The following NALF1 variants were observed in gnomAD, a reference collection of about 807,000 sequenced individuals.
The protein encoded by NALF1 is NALCN channel auxiliary factor 1.
A neutral mutation model predicts 48.4 loss-of-function variants in NALF1; 3 were observed. The ratio of observed to expected loss-of-function variants is 0.06; its 90% CI spans 0.03 to 0.16. The LOEUF is 0.16. NALF1 is among the 10% of genes least tolerant of loss of function. NALF1 has a pLI of 1.00. For missense variants in NALF1, 526 were observed against 571.5 expected, an observed-to-expected ratio of 0.92 and a Z score of 0.81; for synonymous variants, 262 against 245.7, an observed-to-expected ratio of 1.07 and a Z score of -0.62.
intron 2 of NALF1, among the ~76,000 whole-genome samples, chr13:107,209,340 C>T (rs980251217): frequency 1.3e-5 from 2 of 152,064 alleles, no homozygotes; most frequent in Non-Finnish European, 2.9e-5. Flanking sequence ...AACACCGTCT[C>T]TACTAAAAAT....
At chr13:107,690,036 T>C (rs1881531151) in intron 1 of NALF1, among the ~76,000 whole-genome samples, 1 of 152,256 alleles carries the variant, frequency 6.6e-6, no homozygotes. Context: ...ATTAATTGCC[T>C]TTCACTGTTA....
rs1266116129 is a variant in NALF1 at position 107,866,727 on chromosome 13, CTT to C, written c.-133_-132del. 9.0e-6 allele frequency: 6 copies of C among 667,118 alleles called. No homozygotes were observed. The highest frequency in any genetic ancestry group is 1.3e-5 in the Non-Finnish European group (5 of 395,502). The allele number at this position is 667,118 out of a possible 1,614,324, so 41.3% of individuals were successfully genotyped here. On this transcript the variant is annotated 5_prime_UTR_variant, in exon 1 of 3. Coordinates refer to ENST00000375915, the MANE Select transcript of NALF1 (RefSeq NM_001080396.3). The surrounding 1 kb of genome is among the most constrained non-coding windows in gnomAD (Gnocchi z 4.4). ...CCCGTTTCTTCTCTCTCCTCTCTCT[CTT>C]TCTCTCTCTTCCCCTCTCCCTCTCT...
At chr13:107,290,193 A>C (rs1035677402) in intron 1 of NALF1, among the ~76,000 whole-genome samples, 5 of 152,046 alleles carry the variant, frequency 3.3e-5, no homozygotes, top group African/African-American at 1.2e-4. Context: ...AAAACAAAAA[A>C]AAAAACCAGA....
chr13:107,782,084 C>T (rs1216270893), intron 1 of NALF1, among the ~76,000 whole-genome samples: 1 of 152,194 alleles, frequency 6.6e-6, no homozygotes, highest in African/African-American at 2.4e-5. Flanking sequence ...TCTCTTTCCA[C>T]GGTCTCCCTC....
chr13:107,623,386 C>A (rs990914519), intron 1 of NALF1, among the ~76,000 whole-genome samples: 3 of 149,872 alleles, frequency 2.0e-5, no homozygotes, highest in Admixed American at 6.7e-5. Flanking sequence ...TTTAAGGTGA[C>A]AGTTACATGC....
intron 2 of NALF1, among the ~76,000 whole-genome samples, chr13:107,176,276 A>G (rs1395349773): frequency 6.7e-6 from 1 of 149,746 alleles, no homozygotes; most frequent in Non-Finnish European, 1.5e-5. Flanking sequence ...TCTCTAGTGA[A>G]TCATTACCTG....
intron 1 of NALF1, among the ~76,000 whole-genome samples, chr13:107,732,986 T>C (rs1328596878): frequency 1.3e-5 from 2 of 152,140 alleles, no homozygotes; most frequent in East Asian, 3.9e-4. Flanking sequence ...ACGGCACCAT[T>C]GTGGGTAAAC....
At chr13:107,460,016 A>T (rs1359046217) in intron 1 of NALF1, among the ~76,000 whole-genome samples, 1 of 152,214 alleles carries the variant, frequency 6.6e-6, no homozygotes, top group Non-Finnish European at 1.5e-5. Flanking sequence ...TGCTGGGATT[A>T]TAGGCATGAG....
intron 1 of NALF1, among the ~76,000 whole-genome samples, chr13:107,235,080 TTC>T (rs1880314347): frequency 6.6e-6 from 1 of 152,204 alleles, no homozygotes; most frequent in South Asian, 2.1e-4. Flanking sequence ...AGCTTTTACA[TTC>T]TTTTTCTGTA....
chr13:107,329,135 C>A (rs566945933), intron 1 of NALF1, among the ~76,000 whole-genome samples: 1 of 152,126 alleles, frequency 6.6e-6, no homozygotes, highest in Admixed American at 6.5e-5. Flanking sequence ...CAAGAACAAA[C>A]GTGTACCATA....
chr13:107,311,973 G>A (rs1190189032), intron 1 of NALF1, among the ~76,000 whole-genome samples: 9 of 152,184 alleles, frequency 5.9e-5, no homozygotes, highest in African/African-American at 2.2e-4. Context: ...CACTGTTGGT[G>A]GGACTGTAAA....
At chr13:107,637,235 T>C (rs75170321) in intron 1 of NALF1, among the ~76,000 whole-genome samples, 2,396 of 141,670 alleles carry the variant, frequency 0.017, 63 homozygotes, top group African/African-American at 0.056. Flanking sequence ...CTGTATATTG[T>C]ATTTGTTGTG....
At chr13:107,654,324 A>G (rs138622708) in intron 1 of NALF1, among the ~76,000 whole-genome samples, 1 of 152,282 alleles carries the variant, frequency 6.6e-6, no homozygotes, top group African/African-American at 2.4e-5. Context: ...TAATGGCAAA[A>G]GTAGGCGCTT....
At chr13:107,225,639 G>A (rs1880086651) in intron 1 of NALF1, among the ~76,000 whole-genome samples, 1 of 152,018 alleles carries the variant, frequency 6.6e-6, no homozygotes, top group Admixed American at 6.6e-5. Context: ...ATGGGGATGG[G>A]GTGGGACCCA....
At chr13:107,455,365 T>A (rs58307055) in intron 1 of NALF1, among the ~76,000 whole-genome samples, 32,961 of 151,474 alleles carry the variant, frequency 0.22, 4,652 homozygotes, top group African/African-American at 0.4. Context: ...TTTTGCCTTT[T>A]AAAAAAAAAT....
At chr13:107,309,495 T>C (rs1375748167) in intron 1 of NALF1, among the ~76,000 whole-genome samples, 1 of 152,226 alleles carries the variant, frequency 6.6e-6, no homozygotes, top group African/African-American at 2.4e-5. Flanking sequence ...AGTCAGAGTT[T>C]ATTATTTGAT....
chr13:107,849,407 G>A (rs959255109), intron 1 of NALF1, among the ~76,000 whole-genome samples: 2 of 152,098 alleles, frequency 1.3e-5, no homozygotes, highest in African/African-American at 2.4e-5. Flanking sequence ...GATTTGAAGC[G>A]GTCAGTGTGA....
intron 1 of NALF1, among the ~76,000 whole-genome samples, chr13:107,236,724 T>C (rs1880355857): frequency 6.9e-6 from 1 of 145,666 alleles, no homozygotes; most frequent in East Asian, 2.0e-4. Flanking sequence ...TATCTATCTA[T>C]CTATCTATCT....
At chr13:107,681,112 C>T (rs770014194) in intron 1 of NALF1, among the ~76,000 whole-genome samples, 1 of 152,120 alleles carries the variant, frequency 6.6e-6, no homozygotes, top group Non-Finnish European at 1.5e-5. Flanking sequence ...GTCTTTCCCC[C>T]TACTGGTGCA....
Sources: gnomAD v4.1 joint callset for allele counts (sites outside exome capture counted in the v4.1 genomes callset) on GRCh38, gnomAD v4.1.1 for gene constraint, Gnocchi (gnomAD v3.1) non-coding constraint, MANE v1.5 for transcripts, NCBI Gene and HGNC (gene_info 2026-07-23, HGNC 2026-07-21) for gene names.